The following PRELID2 variants were observed in gnomAD, a reference collection of about 807,000 sequenced individuals.
PRELID2 encodes PRELI domain-containing protein 2.
A neutral mutation model predicts 28.4 loss-of-function variants in PRELID2; 25 were observed. The ratio of observed to expected loss-of-function variants is 0.88; its 90% CI spans 0.64 to 1.23. PRELID2 has a LOEUF of 1.23. Among genes scored for constraint, PRELID2 ranks in the 50% most tolerant of loss-of-function variants. The pLI is 0.00. For missense variants in PRELID2, 201 were observed against 214.4 expected, an observed-to-expected ratio of 0.94 and a Z score of 0.39; for synonymous variants, 76 against 71.6, an observed-to-expected ratio of 1.06 and a Z score of -0.31.
intron 1 of PRELID2, among the ~76,000 whole-genome samples, chr5:145,700,212 C>T (rs975564529): frequency 2.6e-5 from 4 of 151,974 alleles, no homozygotes; most frequent in Non-Finnish European, 2.9e-5. Flanking sequence ...AACTTTCCAT[C>T]GCCCCTAGAC....
At chr5:145,274,480 A>C in the PRELID2 span, among the ~76,000 whole-genome samples, 1 of 152,182 alleles carries the variant, frequency 6.6e-6, no homozygotes. Context: ...TTTGCTCATC[A>C]ACAGCTTCCA....
chr5:145,549,029 C>T (rs1041563407), intron 1 of PRELID2, among the ~76,000 whole-genome samples: 16 of 152,206 alleles, frequency 1.1e-4, no homozygotes, highest in Admixed American at 3.3e-4. Flanking sequence ...CTTCTCCTGT[C>T]ACCTCACTAA....
At chr5:145,241,068 A>G in the PRELID2 span, among the ~76,000 whole-genome samples, 2 of 152,034 alleles carry the variant, frequency 1.3e-5, no homozygotes, top group African/African-American at 4.8e-5. Flanking sequence ...GGTTGTTCTC[A>G]GAATTAAGTG....
intron 1 of PRELID2, among the ~76,000 whole-genome samples, chr5:145,627,573 G>A (rs989486842): frequency 5.9e-5 from 9 of 152,042 alleles, no homozygotes; most frequent in Non-Finnish European, 1.3e-4. Context: ...CCACACCACC[G>A]CCATTTCTCA....
At chr5:145,692,365 C>CACAT (rs1755168348) in intron 1 of PRELID2, among the ~76,000 whole-genome samples, 1 of 150,572 alleles carries the variant, frequency 6.6e-6, no homozygotes, top group African/African-American at 2.4e-5. Context: ...CATGGAGGTA[C>CACAT]ACACACACAC....
chr5:145,824,780 CAACCTCA>C (rs1755068768), intron 1 of PRELID2, among the ~76,000 whole-genome samples: 1 of 152,188 alleles, frequency 6.6e-6, no homozygotes, highest in Non-Finnish European at 1.5e-5. Context: ...CAGCTTTCAG[CAACCTCA>C]ATATCTCTTC....
rs2149817578 is a variant in PRELID2, at chr5:145,796,514, G to A, written c.402C>T (p.Ile134=). Residue 134 remains isoleucine, a synonymous_variant, in exon 5 of 7, where the codon ATC becomes ATT. Transcript: ENST00000683046. ...TEFIQRGRIS[I]TGVGFLNCVL... is the part of the protein sequence containing the mutation. ...CACAGTTGAGAAATCCAACCCCTGT[G>A]ATTGAAATCCTGCCTCTTTGAATGA... 6.2e-7 allele frequency: 1 copy of A among 1,608,312 alleles called. No individual in the cohort carries two copies. Among genetic ancestry groups the A allele is most frequent in the South Asian group, 1.1e-5 (1 of 90,498 alleles).
chr5:145,503,513 C>A (rs13179436), intron 1 of PRELID2, among the ~76,000 whole-genome samples: 27,224 of 151,786 alleles, frequency 0.18, 2,740 homozygotes, highest in South Asian at 0.36. Context: ...TACGCATTTC[C>A]TCCTCCAAAC....
At chr5:145,614,675 A>G (rs1561520380) in intron 1 of PRELID2, among the ~76,000 whole-genome samples, 3 of 152,190 alleles carry the variant, frequency 2.0e-5, no homozygotes, top group South Asian at 4.1e-4. Context: ...GTGTACATTA[A>G]TCTTGTATCC....
chr5:145,531,275 G>A (rs956483019), intron 1 of PRELID2, among the ~76,000 whole-genome samples: 3 of 152,032 alleles, frequency 2.0e-5, no homozygotes, highest in African/African-American at 7.2e-5. Context: ...TGTGTCTCTG[G>A]CCTTGACTGT....
chr5:145,674,945 A>C (rs1293756014), intron 1 of PRELID2, among the ~76,000 whole-genome samples: 1 of 152,122 alleles, frequency 6.6e-6, no homozygotes, highest in East Asian at 1.9e-4. Context: ...AAAAAAAAAA[A>C]AGATACAATA....
Position 145,817,197 on chromosome 5 carries a change from A to AT in PRELID2, c.368+696_368+697insA, listed in dbSNP as rs1561643500. Reference sequence around the variant, plus strand: ...CAGAGCAAGACTGCATTTCAAAAAAAAATAAATAAATAAATAAAAAAAAAT... The same window carrying AT: ...CAGAGCAAGACTGCATTTCAAAAAAATAATAAATAAATAAATAAAAAAAAAT... On this transcript the variant is annotated intron_variant, in intron 4 of 6. Transcript: ENST00000683046. Among the ~76,000 whole-genome samples, 40 of 90,238 alleles carry AT rather than the reference A, an allele frequency of 4.4e-4. 1 individual carries two copies. Among genetic ancestry groups the AT allele is most frequent in the South Asian group, 7.8e-4 (2 of 2,568 alleles). 59.2% of individuals were successfully genotyped at this position (90,238 alleles called of 152,430 possible).
the PRELID2 span, among the ~76,000 whole-genome samples, chr5:145,258,256 A>G: frequency 6.6e-6 from 1 of 152,192 alleles, no homozygotes; most frequent in East Asian, 1.9e-4. Context: ...CATTGCTATA[A>G]AGATACCTGA....
Position 145,676,231 on chromosome 5 carries a change from A to AT in PRELID2, n.70+88699_70+88700insA, listed in dbSNP as rs1233364518. Reference sequence around the variant, plus strand: ...GCGAAACTCCATCTCAAAAAAAAAAAAAAAAAAAAAATAATGTGTCTCATT... The same window carrying AT: ...GCGAAACTCCATCTCAAAAAAAAAAATAAAAAAAAAAATAATGTGTCTCATT... On this transcript the variant is annotated intron_variant and non_coding_transcript_variant, in intron 1 of 2. Transcript: ENST00000510259. Among the ~76,000 whole-genome samples the AT allele has an allele frequency of 1.6e-3, 234 of 148,894 alleles. 1 individual carries two copies. The highest frequency in any genetic ancestry group is 5.6e-3 in the African/African-American group (218 of 39,242).
the PRELID2 span, among the ~76,000 whole-genome samples, chr5:145,320,036 T>G: frequency 1.3e-5 from 2 of 152,248 alleles, no homozygotes; most frequent in Non-Finnish European, 2.9e-5. Context: ...ATAATCCATC[T>G]TAACCATTTG....
chr5:145,654,114 T>C (rs374736641), intron 1 of PRELID2, among the ~76,000 whole-genome samples: 2 of 152,074 alleles, frequency 1.3e-5, no homozygotes, highest in African/African-American at 2.4e-5. Flanking sequence ...GAGAATACTA[T>C]AAACACCTCT....
downstream of PRELID2, among the ~76,000 whole-genome samples, chr5:145,755,465 CTTTTT>C (rs532517455): frequency 2.6e-3 from 391 of 152,164 alleles, 2 homozygotes; most frequent in African/African-American, 8.7e-3. Context: ...ATCCTTCTGA[CTTTTT>C]TTGTTTTCTA....
intron 4 of PRELID2, among the ~76,000 whole-genome samples, chr5:145,799,869 C>T (rs977680085): frequency 1.3e-5 from 2 of 152,198 alleles, no homozygotes; most frequent in Non-Finnish European, 2.9e-5. Context: ...TAAAACGCTC[C>T]TTGCCATTCC....
chr5:145,532,303 G>T lies in PRELID2; in HGVS notation n.71-58988C>A, dbSNP rs191328763. On this transcript the variant is annotated intron_variant and non_coding_transcript_variant, in intron 1 of 2. Transcript: ENST00000510259. ...AAAAGTATTAAATAAGATCATCGAT[G>T]TAAGACTCTTTTTTCTTTTTTTCTC... 9.6e-3 allele frequency among the ~76,000 whole-genome samples: 1,458 copies of T among 152,150 alleles called. 13 individuals are homozygous for T. The highest frequency in any genetic ancestry group is 0.012 in the Admixed American group (188 of 15,272).
Sources: allele counts gnomAD v4.1 joint callset (sites outside exome capture counted in the v4.1 genomes callset), GRCh38; gene constraint gnomAD v4.1.1; transcripts MANE v1.5; gene names NCBI Gene and HGNC (gene_info 2026-07-23, HGNC 2026-07-21).